Variants in TMPRSS11F observed in about 807,000 individuals in gnomAD.
TMPRSS11F encodes transmembrane protease serine 11F.
In TMPRSS11F, 47 loss-of-function variants were observed where a neutral mutation model predicts 60.2. That is an observed-to-expected ratio of 0.78 (90% CI 0.62 to 1.00). TMPRSS11F has a LOEUF of 1.00. Ranked by LOEUF, TMPRSS11F falls within the 50% of genes least tolerant of loss-of-function variation. TMPRSS11F has a pLI of 0.00. For missense variants in TMPRSS11F, 519 were observed against 522.9 expected (o/e 0.99, Z 0.07); for synonymous variants, 166 against 167.3 (o/e 0.99, Z 0.06).
chr4:68,071,337 G>T (rs1219767622), intron 5 of TMPRSS11F, among the ~76,000 whole-genome samples: 2 of 152,146 alleles, frequency 1.3e-5, no homozygotes, highest in South Asian at 2.1e-4. Context: ...AACAACAAAA[G>T]AATTAACTTT....
In TMPRSS11F at chr4:68,064,855, T is replaced by A. The variant is rs747556427; in HGVS notation, c.845A>T (p.His282Leu). 1.9e-6 allele frequency: 3 copies of A among 1,614,136 alleles called. No individual in the cohort carries two copies. The highest frequency in any genetic ancestry group is 2.2e-5 in the South Asian group (2 of 91,074). The change falls in exon 8 of 10, where the codon CAT becomes CTT. Residue 282 changes from histidine (H) to leucine (L), a missense_variant. Transcript: ENST00000356291. Reference sequence around the variant, plus strand: ...ATTTGTTTCTCTATGGTAATTCTCATGAAGAATAATTTTCCTCACATTTCG... The same window carrying A: ...ATTTGTTTCTCTATGGTAATTCTCAAGAAGAATAATTTTCCTCACATTTCG... ...VKRNVRKIIL[H>L]ENYHRETNEN... is the part of the protein sequence containing the mutation.
At chr4:68,108,060 G>A (rs764294265) in intron 1 of TMPRSS11F, among the ~76,000 whole-genome samples, 1 of 152,226 alleles carries the variant, frequency 6.6e-6, no homozygotes, top group African/African-American at 2.4e-5. Flanking sequence ...AAAAGTGGAA[G>A]CAGCAAAACT....
Position 68,068,835 on chromosome 4 carries a change from A to G in TMPRSS11F, c.554-16T>C, listed in dbSNP as rs770395114. The G allele has an allele frequency of 4.0e-5, 64 of 1,612,394 alleles. No homozygotes were observed. Among genetic ancestry groups the G allele is most frequent in the Non-Finnish European group, 5.1e-5 (60 of 1,178,644 alleles). ...ATTCCACAGCCTGCCACAGAAATAC[A>G]TGATCATTCATATTCATAAAAAGGA... is the stretch of plus-strand genomic sequence containing the variant. On this transcript the variant is annotated splice_polypyrimidine_tract_variant and intron_variant, in intron 6 of 9. Coordinates refer to ENST00000356291, the MANE Select transcript of TMPRSS11F (RefSeq NM_207407.2).
intron 3 of TMPRSS11F, among the ~76,000 whole-genome samples, chr4:68,089,733 T>C (rs1723885511): frequency 6.6e-6 from 1 of 152,090 alleles, no homozygotes. Context: ...GAAAGGATAG[T>C]ACAGTGAGGG....
chr4:68,076,809 A>G (rs1430181329), intron 3 of TMPRSS11F, among the ~76,000 whole-genome samples: 1 of 152,226 alleles, frequency 6.6e-6, no homozygotes, highest in Non-Finnish European at 1.5e-5. Context: ...AAGTGCATCA[A>G]ATAGATGAAG....
intron 1 of TMPRSS11F, among the ~76,000 whole-genome samples, chr4:68,125,823 T>G (rs1339111114): frequency 1.3e-5 from 2 of 152,208 alleles, no homozygotes; most frequent in African/African-American, 4.8e-5. Context: ...AGGTCCTGCT[T>G]AGATCTTCCC....
intron 2 of TMPRSS11F, among the ~76,000 whole-genome samples, chr4:68,096,637 T>C (rs1204790646): frequency 6.6e-6 from 1 of 152,206 alleles, no homozygotes; most frequent in Non-Finnish European, 1.5e-5. Context: ...TATTAATTCT[T>C]ATTTTAAAAT....
At chr4:68,077,781 A>G (rs60312814) in intron 3 of TMPRSS11F, among the ~76,000 whole-genome samples, 56,366 of 152,128 alleles carry the variant, frequency 0.37, 12,678 homozygotes, top group Non-Finnish European at 0.52. Context: ...TCCACAGAAT[A>G]TGAGATGGAT....
intron 7 of TMPRSS11F, 141 bp from the exon 8 acceptor site, chr4:68,065,085 A>G (rs1723297383): frequency 1.3e-6 from 1 of 778,704 alleles, no homozygotes; most frequent in Non-Finnish European, 1.9e-6. Flanking sequence ...ATAACATAAT[A>G]GGAAAAAAAT....
intron 7 of TMPRSS11F, 35 bp downstream of exon 7, chr4:68,068,583 G>A (rs1378032951): frequency 8.8e-6 from 14 of 1,587,814 alleles, no homozygotes; most frequent in Non-Finnish European, 1.1e-5. Context: ...TGAGGACTGT[G>A]AAAAGAAGGC....
At chr4:68,093,776 C>T in intron 2 of TMPRSS11F, among the ~76,000 whole-genome samples, 1 of 151,618 alleles carries the variant, frequency 6.6e-6, no homozygotes, top group East Asian at 1.9e-4. Flanking sequence ...GACATTTATG[C>T]AGCCAAAAAA....
At chr4:68,092,915 T>A (rs1384239288) in intron 2 of TMPRSS11F, among the ~76,000 whole-genome samples, 1 of 152,118 alleles carries the variant, frequency 6.6e-6, no homozygotes, top group African/African-American at 2.4e-5. Flanking sequence ...AAGTTATATA[T>A]GAAGCATAAC....
chr4:68,077,690 C>A (rs1266997888), intron 3 of TMPRSS11F: 1 of 151,448 alleles, frequency 6.6e-6, no homozygotes, highest in Non-Finnish European at 1.5e-5. Context: ...TAGCTTGTCA[C>A]AAGGGGAGGC....
At chr4:68,074,602 G>A (rs1424156499) in intron 3 of TMPRSS11F, among the ~76,000 whole-genome samples, 1 of 152,150 alleles carries the variant, frequency 6.6e-6, no homozygotes, top group African/African-American at 2.4e-5. Flanking sequence ...ACCCTCACTT[G>A]TTAGTCATCT....
At chr4:68,086,970 T>C (rs1428386297) in intron 3 of TMPRSS11F, among the ~76,000 whole-genome samples, 2 of 152,118 alleles carry the variant, frequency 1.3e-5, no homozygotes, top group African/African-American at 2.4e-5. Flanking sequence ...CCAATCCTAC[T>C]GAAATTATTC....
chr4:68,059,571 T>G (rs924993947), intron 8 of TMPRSS11F, 103 bp from the exon 9 acceptor site: 1 of 1,162,154 alleles, frequency 8.6e-7, no homozygotes, highest in Non-Finnish European at 1.2e-6. Context: ...CCAAAGATTA[T>G]TTTATTAACA....
intron 8 of TMPRSS11F, chr4:68,062,514 T>C (rs770083407): frequency 1.1e-5 from 8 of 728,642 alleles, no homozygotes; most frequent in East Asian, 2.6e-5. Flanking sequence ...ATATGCTGCA[T>C]TGGATGGTAA....
intron 1 of TMPRSS11F, among the ~76,000 whole-genome samples, chr4:68,116,956 A>G (rs931449443): frequency 2.2e-4 from 33 of 152,192 alleles, no homozygotes; most frequent in African/African-American, 7.7e-4. Context: ...ATATGACATG[A>G]CACCAAAAGC....
At chr4:68,108,655 C>A (rs1724348708) in intron 1 of TMPRSS11F, among the ~76,000 whole-genome samples, 1 of 152,198 alleles carries the variant, frequency 6.6e-6, no homozygotes, top group African/African-American at 2.4e-5. Context: ...TCTATAAAAT[C>A]TTTCCAATAT....
Sources: allele counts gnomAD v4.1 joint callset (sites outside exome capture counted in the v4.1 genomes callset), GRCh38; gene constraint gnomAD v4.1.1; transcripts MANE v1.5; gene names NCBI Gene and HGNC (gene_info 2026-07-23, HGNC 2026-07-21).